DAO: variants seen among roughly 807,000 people sequenced by gnomAD.
DAO encodes D-amino acid oxidase.
Under a neutral mutation model 50.1 loss-of-function variants are expected in DAO, and 51 were observed. The observed-to-expected ratio is 1.02, with a 90% CI of 0.81 to 1.29. The LOEUF (loss-of-function observed/expected upper bound fraction) is 1.29. Ranked by LOEUF, DAO falls within the 50% of genes most tolerant of loss-of-function variation. The pLI is 0.00. For synonymous variants in DAO, 160 were observed against 166.2 expected, an observed-to-expected ratio of 0.96 and a Z score of 0.29; for missense variants, 436 against 439.4, an observed-to-expected ratio of 0.99 and a Z score of 0.07.
chr12:108,882,201 T>G (rs1274174242), intron 1 of DAO, among the ~76,000 whole-genome samples: 1 of 152,102 alleles, frequency 6.6e-6, no homozygotes, highest in African/African-American at 2.4e-5. Flanking sequence ...GCAAGGAGCT[T>G]TGTCAGCTCT....
intron 3 of DAO, among the ~76,000 whole-genome samples, 178 bp from the exon 4 acceptor site, chr12:108,889,291 G>A (rs901857977): frequency 5.9e-5 from 9 of 151,986 alleles, no homozygotes; most frequent in African/African-American, 1.9e-4. Context: ...TTATTATTTA[G>A]TATAAACAGG....
At chr12:108,895,413 A>C (rs1280667789) in intron 7 of DAO, among the ~76,000 whole-genome samples, 2 of 128,550 alleles carry the variant, frequency 1.6e-5, no homozygotes, top group Non-Finnish European at 3.3e-5. Context: ...GTGTGTGTGC[A>C]TGTGTGTGAG....
At chr12:108,882,987 T>C (rs1011392750) in intron 1 of DAO, among the ~76,000 whole-genome samples, 1 of 152,056 alleles carries the variant, frequency 6.6e-6, no homozygotes, top group Non-Finnish European at 1.5e-5. Flanking sequence ...CACTCCAGCC[T>C]GGGTGACAGA....
At chr12:108,894,830 A>C (rs2039529798) in intron 7 of DAO, among the ~76,000 whole-genome samples, 1 of 152,060 alleles carries the variant, frequency 6.6e-6, no homozygotes, top group Non-Finnish European at 1.5e-5. Context: ...CTCCCACCTT[A>C]GCCTACTGAG....
At chr12:108,897,946 CAAA>C (rs56246314) in intron 8 of DAO, among the ~76,000 whole-genome samples, 1 of 129,102 alleles carries the variant, frequency 7.7e-6, no homozygotes, top group Admixed American at 7.4e-5. Context: ...GACCCCATCT[CAAA>C]AAAAAAAAAA....
intron 9 of DAO, 39 bp downstream of exon 9, chr12:108,898,835 C>T (rs1490208201): frequency 3.5e-6 from 5 of 1,421,116 alleles, no homozygotes; most frequent in East Asian, 2.3e-5. Flanking sequence ...AAACCAAGGT[C>T]GTGGGAGCTT....
At position 108,898,757 on chromosome 12, in the gene DAO, C is replaced by T. The variant is rs1248361830; in HGVS notation, c.774C>T (p.Thr258=). ...SELNNIQDHN[T]IWEGCCRLEP... The stretch of plus-strand genomic sequence containing the variant: ...TAAACAATATCCAGGACCACAACAC[C>T]ATTTGGGAAGGCTGCTGCAGACTGG... The change falls in exon 9 of 11, where the codon ACC becomes ACT. Residue 258 remains threonine (T), a synonymous_variant. Transcript: ENST00000228476. 6.2e-7 allele frequency: 1 copy of T among 1,613,966 alleles called. No individual in the cohort carries two copies.
intron 2 of DAO, among the ~76,000 whole-genome samples, chr12:108,886,941 C>A (rs1170124483): frequency 6.6e-6 from 1 of 152,176 alleles, no homozygotes; most frequent in African/African-American, 2.4e-5. Context: ...CAGGACCACA[C>A]GTGCAGAGTC....
At chr12:108,891,525 A>T (rs557444696) in intron 5 of DAO, among the ~76,000 whole-genome samples, 5 of 151,560 alleles carry the variant, frequency 3.3e-5, no homozygotes, top group African/African-American at 4.8e-5. Context: ...GATTTTTTTT[A>T]AATGTAGATT....
chr12:108,883,574 C>T, intron 1 of DAO: 1 of 455,234 alleles, frequency 2.2e-6, no homozygotes, highest in Non-Finnish European at 4.4e-6. Flanking sequence ...AGAACTTTTG[C>T]TAAACTTCTT....
chr12:108,880,251 G>A (rs1477163190), intron 1 of DAO, 27 bp downstream of exon 1: 1 of 410,956 alleles, frequency 2.4e-6, no homozygotes, highest in Admixed American at 2.6e-5. Flanking sequence ...CCTTTGAGCT[G>A]GGGACAGGGG....
chr12:108,884,441 C>T (rs767855163), intron 1 of DAO, among the ~76,000 whole-genome samples: 21 of 152,120 alleles, frequency 1.4e-4, no homozygotes, highest in Non-Finnish European at 2.5e-4. Context: ...CACTTAGTGC[C>T]GGGGCCAGCT....
At chr12:108,891,607 T>G (rs558166377) in intron 5 of DAO, among the ~76,000 whole-genome samples, 1 of 152,220 alleles carries the variant, frequency 6.6e-6, no homozygotes, top group African/African-American at 2.4e-5. Context: ...TTTTTTCATT[T>G]TTTTGAGACA....
chr12:108,887,039 G>C (rs1296406825), intron 2 of DAO, among the ~76,000 whole-genome samples: 1 of 152,172 alleles, frequency 6.6e-6, no homozygotes, highest in Non-Finnish European at 1.5e-5. Context: ...TGTGCCCAGG[G>C]GGAGGAGGAA....
intron 2 of DAO, 72 bp downstream of exon 2, chr12:108,885,272 A>G: frequency 1.4e-6 from 2 of 1,447,120 alleles, no homozygotes; most frequent in Non-Finnish European, 1.9e-6. Flanking sequence ...CAGGGTTCCC[A>G]TCACCAAGAG....
intron 2 of DAO, among the ~76,000 whole-genome samples, chr12:108,886,359 G>A (rs912169258): frequency 1.3e-5 from 2 of 151,956 alleles, no homozygotes; most frequent in Non-Finnish European, 2.9e-5. Context: ...GAACATCTAA[G>A]TGGGTGGATG....
chr12:108,889,211 T>C (rs1014060374), intron 3 of DAO, among the ~76,000 whole-genome samples: 1 of 152,092 alleles, frequency 6.6e-6, no homozygotes, highest in Non-Finnish European at 1.5e-5. Flanking sequence ...ATTCAAGCAA[T>C]TCTCCTGCCT....
Position 108,887,471 on chromosome 12 carries a change from T to C in DAO, c.216T>C (p.Phe72=). The C allele has an allele frequency of 6.2e-7, 1 of 1,614,106 alleles. No individual in the cohort carries two copies. The highest frequency in any genetic ancestry group is 8.5e-7 in the Non-Finnish European group (1 of 1,179,966). Residue 72 remains phenylalanine (F), a synonymous_variant, in exon 3 of 11, where the codon TTT becomes TTC. Coordinates refer to ENST00000228476, the MANE Select transcript of DAO (RefSeq NM_001917.5). ...CCAGGGACTGGAGCCAACAGACCTT[T>C]GACTATCTCCTGAGCCATGTCCATT... ...PQEADWSQQT[F]DYLLSHVHSP... is the part of the protein sequence containing the mutation.
rs56115419 is a variant in DAO at position 108,900,771 on chromosome 12, G to C, written c.*236G>C. 1 of 461,270 alleles carries C rather than the reference G, an allele frequency of 2.2e-6. No individual in the cohort carries two copies. The highest frequency in any genetic ancestry group is 6.3e-4 in the Middle Eastern group (1 of 1,594). The allele number at this position is 461,270 out of a possible 1,614,324, so 28.6% of individuals were successfully genotyped here. On this transcript the variant is annotated 3_prime_UTR_variant, in exon 11 of 11. Transcript: ENST00000228476. ...GTCTGGCATTATAAAGAACAGCTGAGGCTGTCATTCCATGAGTCTTCAGAA... is the reference window on the plus strand; with the variant it reads ...GTCTGGCATTATAAAGAACAGCTGACGCTGTCATTCCATGAGTCTTCAGAA...
Sources: gnomAD v4.1 joint callset for allele counts (sites outside exome capture counted in the v4.1 genomes callset) on GRCh38, gnomAD v4.1.1 for gene constraint, MANE v1.5 for transcripts, NCBI Gene and HGNC (gene_info 2026-07-23, HGNC 2026-07-21) for gene names.